KIAA1671: variants seen among roughly 807,000 people sequenced by gnomAD.
The protein encoded by KIAA1671 is KIAA1671.
KIAA1671 carries 52 observed loss-of-function variants against 131.2 expected under a neutral mutation model. The observed-to-expected ratio is 0.40, with a 90% CI of 0.32 to 0.50. The LOEUF (loss-of-function observed/expected upper bound fraction) is 0.50, where lower values mean the gene tolerates loss of function less well. KIAA1671 is among the 20% of genes least tolerant of loss of function. The pLI is 0.73. For missense variants in KIAA1671, 2,360 were observed against 2,364.2 expected (o/e 1.00, Z 0.04); for synonymous variants, 1,003 against 961.6 (o/e 1.04, Z -0.80).
rs1009456832 is a variant in KIAA1671 at position 25,012,146 on chromosome 22, T to A, written c.-207-13487T>A. 6 of 152,260 alleles carry A rather than the reference T, an allele frequency of 3.9e-5. 1 individual carries two copies. The highest frequency in any genetic ancestry group is 1.4e-4 in the African/African-American group (6 of 41,462). The allele number at this position is 152,260 out of a possible 1,614,324, so 9.4% of individuals were successfully genotyped here. On this transcript the variant is annotated intron_variant, in intron 1 of 12. Transcript: ENST00000358431. Reference sequence around the variant, plus strand: ...ATCTGCACTGTTGACGCCAATATCATGTTCTTTCCACTTTACTGGTGATTT... The same window carrying A: ...ATCTGCACTGTTGACGCCAATATCAAGTTCTTTCCACTTTACTGGTGATTT...
At chr22:24,993,036 G>C (rs1176046113) in intron 1 of KIAA1671, among the ~76,000 whole-genome samples, 1 of 151,950 alleles carries the variant, frequency 6.6e-6, no homozygotes, top group Non-Finnish European at 1.5e-5. Context: ...TCCTGACTCA[G>C]ACTCCCAGTT....
Position 25,171,728 on chromosome 22 carries a change from AT to A in KIAA1671, c.4649+791del, listed in dbSNP as rs200507792. Among the ~76,000 whole-genome samples the A allele has an allele frequency of 3.0e-3, 442 of 149,046 alleles. 2 individuals carry two copies. The highest frequency in any genetic ancestry group is 9.0e-3 in the African/African-American group (358 of 39,896). ...AGAGAGACACCTTGTCTAAAAAAAA[AT>A]AATAATAATAATAATGATATATGAA... On this transcript the variant is annotated intron_variant, in intron 7 of 12. Transcript: ENST00000358431.
At chr22:25,116,364 T>TA (rs1457421863) in intron 6 of KIAA1671, among the ~76,000 whole-genome samples, 1 of 150,776 alleles carries the variant, frequency 6.6e-6, no homozygotes, top group Non-Finnish European at 1.5e-5. Flanking sequence ...TGAGCCACTG[T>TA]ACCCCACCCC....
chr22:25,174,364 A>C lies in KIAA1671; in HGVS notation c.4774A>C (p.Arg1592=). ...TSAGDQYDCS[R]DQRSTSVDHS... The stretch of plus-strand genomic sequence containing the variant: ...GGCAGGGGACCAGTATGACTGCTCC[A>C]GGGACCAGCGGAGCACCAGCGTGGA... Residue 1592 remains arginine, a synonymous_variant, in exon 8 of 13, where the codon AGG becomes CGG. Coordinates refer to ENST00000358431, the MANE Select transcript of KIAA1671 (RefSeq NM_001145206.2). 6.4e-7 allele frequency: 1 copy of C among 1,552,056 alleles called. No homozygotes were observed. Among genetic ancestry groups the C allele is most frequent in the East Asian group, 2.4e-5 (1 of 40,904 alleles).
At chr22:25,055,873 C>G (rs1268615538) in intron 6 of KIAA1671, 2 of 149,294 alleles carry the variant, frequency 1.3e-5, no homozygotes, top group African/African-American at 4.9e-5. Context: ...GACAGGCAAA[C>G]AGACAGACAG....
intron 6 of KIAA1671, chr22:25,053,144 A>T (rs1390501189): frequency 1.3e-5 from 2 of 152,180 alleles, no homozygotes; most frequent in Non-Finnish European, 2.9e-5. Flanking sequence ...CAGTGTAGGG[A>T]AGTGTCTTGT....
At chr22:25,014,232 G>C (rs937041157) in intron 1 of KIAA1671, 1 of 152,138 alleles carries the variant, frequency 6.6e-6, no homozygotes, top group Admixed American at 6.6e-5. Context: ...TGTATAGGGT[G>C]TATAGCTATT....
chr22:25,000,761 G>A (rs1243167271), intron 1 of KIAA1671, among the ~76,000 whole-genome samples: 11 of 150,782 alleles, frequency 7.3e-5, no homozygotes, highest in African/African-American at 2.7e-4. Context: ...AAGTGAATCC[G>A]CCTGCCTCGG....
At chr22:25,083,717 T>G (rs742163) in intron 6 of KIAA1671, among the ~76,000 whole-genome samples, 56,735 of 152,136 alleles carry the variant, frequency 0.37, 10,873 homozygotes, top group Middle Eastern at 0.45. Flanking sequence ...CCACATTCTA[T>G]TGAATTTACC....
chr22:25,155,901 GTA>G (rs767823519), intron 6 of KIAA1671, among the ~76,000 whole-genome samples: 1 of 145,850 alleles, frequency 6.9e-6, no homozygotes, highest in Non-Finnish European at 1.5e-5. Flanking sequence ...GTATGTGTAT[GTA>G]TATAGTTTTT....
chr22:25,189,131 TTTTTTTTTTTTTTTGTTTTG>T, intron 11 of KIAA1671, among the ~76,000 whole-genome samples: 1 of 148,172 alleles, frequency 6.7e-6, no homozygotes, highest in Admixed American at 6.7e-5. Flanking sequence ...TTTTTCTTTT[TTTTTTTTTTTTTTTGTTTTG>T]TTTTTTTGTT....
intron 6 of KIAA1671, among the ~76,000 whole-genome samples, chr22:25,159,480 G>C (rs973216917): frequency 1.3e-5 from 2 of 152,204 alleles, no homozygotes; most frequent in Admixed American, 1.3e-4. Flanking sequence ...TTAGCTGAAA[G>C]ACAGAACTGT....
At chr22:25,046,592 C>T (rs553906991) in intron 5 of KIAA1671, among the ~76,000 whole-genome samples, 2 of 152,326 alleles carry the variant, frequency 1.3e-5, no homozygotes, top group East Asian at 3.9e-4. Flanking sequence ...AAACATTCCC[C>T]TGATACCTGC....
At chr22:24,960,781 A>G (rs1172512432) in intron 1 of KIAA1671, among the ~76,000 whole-genome samples, 1 of 150,128 alleles carries the variant, frequency 6.7e-6, no homozygotes, top group African/African-American at 2.5e-5. Flanking sequence ...TTAGGGAGGA[A>G]GGGTGTTTAG....
intron 1 of KIAA1671, among the ~76,000 whole-genome samples, chr22:24,964,071 G>A (rs1046814141): frequency 2.6e-5 from 4 of 152,096 alleles, no homozygotes; most frequent in African/African-American, 9.7e-5. Flanking sequence ...GCTCACATCT[G>A]TAATCCCAGC....
chr22:25,100,877 C>G (rs180964026), intron 6 of KIAA1671, among the ~76,000 whole-genome samples: 1 of 152,066 alleles, frequency 6.6e-6, no homozygotes, highest in Non-Finnish European at 1.5e-5. Context: ...GAAAGAAGGC[C>G]AGAAAGGCCT....
chr22:25,003,513 G>A, intron 1 of KIAA1671, among the ~76,000 whole-genome samples: 1 of 146,256 alleles, frequency 6.8e-6, no homozygotes, highest in Non-Finnish European at 1.5e-5. Flanking sequence ...CGGGGTTCAC[G>A]CCATTCTCCT....
At chr22:25,120,680 ACTC>A (rs1568967015) in intron 6 of KIAA1671, among the ~76,000 whole-genome samples, 1 of 151,548 alleles carries the variant, frequency 6.6e-6, no homozygotes, top group Non-Finnish European at 1.5e-5. Flanking sequence ...GATGAAAACC[ACTC>A]CTAGCATTGG....
At chr22:25,171,680 A>G (rs1413190591) in intron 7 of KIAA1671, among the ~76,000 whole-genome samples, 1 of 151,932 alleles carries the variant, frequency 6.6e-6, no homozygotes, top group South Asian at 2.1e-4. Context: ...GCGCCAATGC[A>G]CTCAATCCAG....
Sources: gnomAD v4.1 joint callset for allele counts (sites outside exome capture counted in the v4.1 genomes callset) on GRCh38, gnomAD v4.1.1 for gene constraint, MANE v1.5 for transcripts, NCBI Gene and HGNC (gene_info 2026-07-23, HGNC 2026-07-21) for gene names.